The following NLGN1 variants were observed in gnomAD, a reference collection of about 807,000 sequenced individuals.
NLGN1 encodes the protein neuroligin 1, also known as neuroligin-1.
NLGN1 carries 12 observed loss-of-function variants against 65.5 expected under a neutral mutation model. That is an observed-to-expected ratio of 0.18 (90% CI 0.12 to 0.30). NLGN1 has a LOEUF of 0.30. Among genes scored for constraint, NLGN1 ranks in the 10% least tolerant of loss-of-function variants. The probability of loss-of-function intolerance (pLI) is 1.00; values close to 1 mark genes in which losing one functional copy is unlikely to be tolerated. For synonymous variants in NLGN1, 350 were observed against 359.5 expected, an observed-to-expected ratio of 0.97 and a Z score of 0.30; for missense variants, 750 against 1,007.1, an observed-to-expected ratio of 0.74 and a Z score of 3.46.
intron 4 of NLGN1, among the ~76,000 whole-genome samples, chr3:174,263,297 A>G (rs1747328345): frequency 1.4e-5 from 2 of 145,180 alleles, no homozygotes; most frequent in Non-Finnish European, 3.0e-5. Context: ...AAAGTCTCCC[A>G]TTATTAATGT....
At chr3:173,633,512 G>T (rs1756081767) in intron 3 of NLGN1, among the ~76,000 whole-genome samples, 1 of 152,142 alleles carries the variant, frequency 6.6e-6, no homozygotes, top group Non-Finnish European at 1.5e-5. Flanking sequence ...GATTTTGTAA[G>T]TTCCTGGAAA....
intron 3 of NLGN1, among the ~76,000 whole-genome samples, chr3:173,799,422 A>G (rs1250935027): frequency 1.3e-5 from 2 of 151,968 alleles, no homozygotes; most frequent in African/African-American, 4.8e-5. Flanking sequence ...GTATAATAAA[A>G]CACTTATTAA....
At chr3:174,092,779 A>G (rs561221376) in intron 4 of NLGN1, among the ~76,000 whole-genome samples, 10 of 152,272 alleles carry the variant, frequency 6.6e-5, no homozygotes, top group Non-Finnish European at 1.0e-4. Context: ...GTGTCCCTAA[A>G]GAGAATATGA....
At chr3:173,529,964 T>C (rs1202253693) in intron 2 of NLGN1, among the ~76,000 whole-genome samples, 4 of 150,542 alleles carry the variant, frequency 2.7e-5, no homozygotes, top group Non-Finnish European at 5.9e-5. Context: ...CACTTTCTTT[T>C]CCTTTTTTTT....
At chr3:174,053,686 C>T (rs1735406469) in intron 4 of NLGN1, among the ~76,000 whole-genome samples, 1 of 151,930 alleles carries the variant, frequency 6.6e-6, no homozygotes, top group South Asian at 2.1e-4. Context: ...TTCTTTCTTA[C>T]TCGAGCCATC....
chr3:173,502,201 C>T (rs1411945033), intron 2 of NLGN1, among the ~76,000 whole-genome samples: 1 of 151,990 alleles, frequency 6.6e-6, no homozygotes, highest in Non-Finnish European at 1.5e-5. Flanking sequence ...TTCTATTTTT[C>T]AATGTTCAGA....
chr3:173,867,491 A>C (rs1473858311), intron 4 of NLGN1, among the ~76,000 whole-genome samples: 2 of 152,146 alleles, frequency 1.3e-5, no homozygotes, highest in Admixed American at 6.6e-5. Context: ...TAGTTACTTT[A>C]TGAATAATTC....
intron 3 of NLGN1, among the ~76,000 whole-genome samples, chr3:173,681,587 C>T (rs1235240745): frequency 1.3e-5 from 2 of 152,138 alleles, no homozygotes; most frequent in Admixed American, 1.3e-4. Context: ...ATCTGCACAT[C>T]TTCCTGGTAC....
chr3:174,188,549 T>C (rs1731827114), intron 4 of NLGN1, among the ~76,000 whole-genome samples: 1 of 151,970 alleles, frequency 6.6e-6, no homozygotes, highest in Non-Finnish European at 1.5e-5. Context: ...TTAGAAAGAA[T>C]GTCAAAGATC....
chr3:174,131,395 C>T (rs1720153807), intron 4 of NLGN1, among the ~76,000 whole-genome samples: 1 of 152,102 alleles, frequency 6.6e-6, no homozygotes, highest in Non-Finnish European at 1.5e-5. Context: ...AAGAAAGCTA[C>T]ATAACCACGA....
chr3:173,816,796 G>T (rs116125297), intron 4 of NLGN1, among the ~76,000 whole-genome samples: 1,643 of 152,266 alleles, frequency 0.011, 42 homozygotes, highest in African/African-American at 0.037. Flanking sequence ...CTCTACCCCA[G>T]ATCTTTGTGG....
chr3:174,015,436 AT>A (rs1244417072), intron 4 of NLGN1, among the ~76,000 whole-genome samples: 1 of 152,074 alleles, frequency 6.6e-6, no homozygotes, highest in Non-Finnish European at 1.5e-5. Context: ...AGATAGAGAA[AT>A]CAAGCTCTCT....
At chr3:174,115,941 T>C (rs1257529360) in intron 4 of NLGN1, among the ~76,000 whole-genome samples, 1 of 152,168 alleles carries the variant, frequency 6.6e-6, no homozygotes, top group Non-Finnish European at 1.5e-5. Context: ...TCCCAAAATA[T>C]ATTCCATTTA....
intron 4 of NLGN1, among the ~76,000 whole-genome samples, chr3:173,829,197 C>A (rs549065583): frequency 6.6e-6 from 1 of 151,942 alleles, no homozygotes; most frequent in Non-Finnish European, 1.5e-5. Context: ...ATATTCTGAG[C>A]GGGAGAAGAT....
At chr3:173,538,515 G>T (rs989140561) in intron 2 of NLGN1, among the ~76,000 whole-genome samples, 2 of 152,126 alleles carry the variant, frequency 1.3e-5, no homozygotes, top group African/African-American at 4.8e-5. Flanking sequence ...CTAAATCCAG[G>T]GTAAATGTAT....
At chr3:173,738,100 A>T (rs1357972294) in intron 3 of NLGN1, among the ~76,000 whole-genome samples, 3 of 152,006 alleles carry the variant, frequency 2.0e-5, no homozygotes, top group South Asian at 2.1e-4. Flanking sequence ...ATTTTTTTTT[A>T]AATTTTTATT....
intron 3 of NLGN1, chr3:173,789,860 G>T: frequency 1.9e-6 from 1 of 514,486 alleles, no homozygotes; most frequent in Admixed American, 2.0e-5. Context: ...TTTCCCAACT[G>T]CCTCACCTCC....
chr3:174,166,494 G>A (rs1330220532), intron 4 of NLGN1, among the ~76,000 whole-genome samples: 4 of 152,030 alleles, frequency 2.6e-5, no homozygotes, highest in Non-Finnish European at 5.9e-5. Flanking sequence ...ATGGTTTTGA[G>A]AGATCTTCCG....
intron 2 of NLGN1, among the ~76,000 whole-genome samples, chr3:173,568,748 G>A (rs971297341): frequency 4.6e-5 from 7 of 152,092 alleles, no homozygotes; most frequent in African/African-American, 1.2e-4. Flanking sequence ...CTATCGGCTC[G>A]CTGCAAGCTC....
Sources: gnomAD v4.1 joint callset for allele counts (sites outside exome capture counted in the v4.1 genomes callset) on GRCh38, gnomAD v4.1.1 for gene constraint, MANE v1.5 for transcripts, NCBI Gene and HGNC (gene_info 2026-07-23, HGNC 2026-07-21) for gene names.